Variants in CHSY3 observed in about 807,000 individuals in gnomAD.
CHSY3 encodes chondroitin sulfate synthase 3.
In CHSY3, 35 loss-of-function variants were observed where a neutral mutation model predicts 67.2. The ratio of observed to expected loss-of-function variants is 0.52; its 90% confidence interval spans 0.40 to 0.69. The LOEUF (loss-of-function observed/expected upper bound fraction) is 0.69. Ranked by LOEUF, CHSY3 falls within the 30% of genes least tolerant of loss-of-function variation. CHSY3 has a pLI of 0.00. For missense variants in CHSY3, 1,069 were observed against 1,138.5 expected (o/e 0.94, Z 0.88); for synonymous variants, 474 against 434.7 (o/e 1.09, Z -1.12).
At chr5:129,963,261 A>T (rs941365080) in intron 2 of CHSY3, among the ~76,000 whole-genome samples, 4 of 151,956 alleles carry the variant, frequency 2.6e-5, no homozygotes, top group Non-Finnish European at 4.4e-5. Context: ...GATGTTTAGG[A>T]AACTATTTTC....
intron 2 of CHSY3, among the ~76,000 whole-genome samples, chr5:130,170,076 T>A (rs879059195): frequency 6.6e-6 from 1 of 152,110 alleles, no homozygotes; most frequent in Non-Finnish European, 1.5e-5. Flanking sequence ...CTAGTGTACC[T>A]GTTACCCAAA....
chr5:130,155,431 G>A (rs1179128469), intron 2 of CHSY3, among the ~76,000 whole-genome samples: 3 of 152,164 alleles, frequency 2.0e-5, no homozygotes, highest in Non-Finnish European at 4.4e-5. Flanking sequence ...TATTTTTAGA[G>A]TCTGGCAGCA....
At chr5:129,954,532 A>G (rs1053889941) in intron 2 of CHSY3, among the ~76,000 whole-genome samples, 1 of 151,776 alleles carries the variant, frequency 6.6e-6, no homozygotes, top group Non-Finnish European at 1.5e-5. Flanking sequence ...GTCAATGGTA[A>G]CTTGATGGGG....
chr5:130,018,502 T>C (rs1426593907), intron 2 of CHSY3, among the ~76,000 whole-genome samples: 1 of 152,226 alleles, frequency 6.6e-6, no homozygotes, highest in Non-Finnish European at 1.5e-5. Context: ...CTACCTATGC[T>C]TTGCCAATAC....
At chr5:129,937,815 A>C (rs1192616189) in intron 2 of CHSY3, among the ~76,000 whole-genome samples, 1 of 152,042 alleles carries the variant, frequency 6.6e-6, no homozygotes, top group Non-Finnish European at 1.5e-5. Context: ...CTTTAACTCC[A>C]TGTCTCACAT....
At position 130,184,490 on chromosome 5, in the gene CHSY3, C is replaced by A. The variant is rs1158449836; in HGVS notation, c.1348C>A (p.Pro450Thr). 3.1e-6 allele frequency: 5 copies of A among 1,612,220 alleles called. No individual in the cohort carries two copies. Among genetic ancestry groups the A allele is most frequent in the Admixed American group, 1.7e-5 (1 of 59,986 alleles). ...SKEDQQLGVIPSFNHFQPRER... is the reference protein window; with the variant it reads ...SKEDQQLGVITSFNHFQPRER... ...AGAGGACCAGCAGCTGGGAGTGATA[C>A]CTTCTTTCAACCACTTCCAGCCTCG... The change falls in exon 3 of 3, where the codon CCT becomes ACT. Residue 450 changes from proline (P) to threonine (T), a missense_variant. By Grantham distance (38) the Pro-to-Thr change is conservative. This residue lies in a region of CHSY3 where 401 missense variants were observed against 395.2 expected (regional missense o/e 1.01). Transcript: ENST00000305031.
intron 2 of CHSY3, among the ~76,000 whole-genome samples, chr5:130,114,706 AAGCTTT>A (rs1292327080): frequency 6.6e-6 from 1 of 152,142 alleles, no homozygotes; most frequent in African/African-American, 2.4e-5. Context: ...CTAAAACAAA[AAGCTTT>A]TTCCTCTGAA....
intron 2 of CHSY3, among the ~76,000 whole-genome samples, chr5:130,047,564 C>T (rs538055950): frequency 6.6e-6 from 1 of 152,120 alleles, no homozygotes; most frequent in African/African-American, 2.4e-5. Flanking sequence ...CAGATTTCTC[C>T]TCTATATAAT....
chr5:129,974,652 G>A (rs887804123), intron 2 of CHSY3, among the ~76,000 whole-genome samples: 5 of 152,104 alleles, frequency 3.3e-5, no homozygotes, highest in Admixed American at 6.6e-5. Flanking sequence ...GTAAGGGCTG[G>A]TGCAGAGAAT....
At chr5:130,114,121 T>G (rs1253181815) in intron 2 of CHSY3, among the ~76,000 whole-genome samples, 2 of 152,188 alleles carry the variant, frequency 1.3e-5, no homozygotes, top group African/African-American at 2.4e-5. Flanking sequence ...AAATCTCACA[T>G]AATAGTTTAT....
intron 2 of CHSY3, among the ~76,000 whole-genome samples, chr5:129,911,522 T>A (rs1325408749): frequency 6.6e-6 from 1 of 152,196 alleles, no homozygotes; most frequent in Non-Finnish European, 1.5e-5. Context: ...GTCTGTCACA[T>A]AGTAAATTTT....
At chr5:130,075,526 T>G (rs931005293) in intron 2 of CHSY3, among the ~76,000 whole-genome samples, 11 of 152,192 alleles carry the variant, frequency 7.2e-5, no homozygotes, top group Non-Finnish European at 1.6e-4. Flanking sequence ...ACTCTTATTT[T>G]TCAAGTGGCT....
chr5:130,009,106 T>G (rs1763970862), intron 2 of CHSY3, among the ~76,000 whole-genome samples: 1 of 152,258 alleles, frequency 6.6e-6, no homozygotes, highest in East Asian at 1.9e-4. Flanking sequence ...TTCAGTAAAT[T>G]CAGAGAATCC....
intron 2 of CHSY3, among the ~76,000 whole-genome samples, chr5:130,078,885 C>A (rs1443871624): frequency 6.6e-6 from 1 of 152,124 alleles, no homozygotes; most frequent in Non-Finnish European, 1.5e-5. Flanking sequence ...AAGGCCGGAT[C>A]CATTGCTACA....
chr5:129,961,676 T>A (rs1762329130), intron 2 of CHSY3, among the ~76,000 whole-genome samples: 1 of 151,950 alleles, frequency 6.6e-6, no homozygotes, highest in Non-Finnish European at 1.5e-5. Flanking sequence ...TCCCTCCTTT[T>A]CTCTCCATTA....
intron 2 of CHSY3, among the ~76,000 whole-genome samples, chr5:130,158,481 C>T (rs75798204): frequency 0.016 from 2,397 of 152,242 alleles, 31 homozygotes; most frequent in Non-Finnish European, 0.025. Context: ...ACAAGTGGTA[C>T]CCGGCAAATA....
At chr5:130,158,656 G>A (rs2149726986) in intron 2 of CHSY3, among the ~76,000 whole-genome samples, 1 of 152,234 alleles carries the variant, frequency 6.6e-6, no homozygotes. Flanking sequence ...TTTTCTAAGT[G>A]GTGACCTTTT....
At chr5:130,080,029 C>G (rs916637299) in intron 2 of CHSY3, among the ~76,000 whole-genome samples, 4 of 138,616 alleles carry the variant, frequency 2.9e-5, no homozygotes, top group Admixed American at 1.5e-4. Flanking sequence ...CAGAAATACA[C>G]CTGAACATAC....
At chr5:130,157,093 T>G (rs1471556687) in intron 2 of CHSY3, among the ~76,000 whole-genome samples, 1 of 152,254 alleles carries the variant, frequency 6.6e-6, no homozygotes, top group African/African-American at 2.4e-5. Context: ...AGTATCAGTC[T>G]GGACCAGAGA....
Sources: gnomAD v4.1 joint callset for allele counts (sites outside exome capture counted in the v4.1 genomes callset) on GRCh38, gnomAD v4.1.1 for gene constraint, gnomAD v4.1.1 regional missense constraint, MANE v1.5 for transcripts, NCBI Gene and HGNC (gene_info 2026-07-23, HGNC 2026-07-21) for gene names.